The following EEF2KMT variants were observed in gnomAD, a reference collection of about 807,000 sequenced individuals.
EEF2KMT encodes eukaryotic elongation factor 2 lysine methyltransferase.
Under a neutral mutation model 35.1 loss-of-function variants are expected in EEF2KMT, and 30 were observed. That is an observed-to-expected ratio of 0.85 (90% CI 0.64 to 1.16). EEF2KMT has a LOEUF of 1.16. Among genes scored for constraint, EEF2KMT ranks in the 50% most tolerant of loss-of-function variants. The pLI, the probability that EEF2KMT is intolerant of heterozygous loss-of-function variation, is 0.00. For synonymous variants in EEF2KMT, 190 were observed against 187.7 expected (o/e 1.01, Z -0.10); for missense variants, 499 against 438.2 (o/e 1.14, Z -1.24).
At position 5,089,180 on chromosome 16, in the gene EEF2KMT, C is replaced by A. The variant is rs1408722315; in HGVS notation, c.819G>T (p.Gln273His). ...LRRLAACREH[Q>H]RAPEVYVAFT... ...AGGCCACGTAGACCTCAGGAGCCCG[C>A]TGGTGCTCCCGGCAGGCAGCCAGCC... The change falls in exon 7 of 8, where the codon CAG becomes CAT. Residue 273 changes from glutamine (Q) to histidine (H), a missense_variant. Transcript: ENST00000427587. 1.2e-6 allele frequency: 2 copies of A among 1,611,700 alleles called. No individual in the cohort carries two copies. The highest frequency in any genetic ancestry group is 4.5e-5 in the East Asian group (2 of 44,894).
At position 5,097,603 on chromosome 16, in the gene EEF2KMT, C is replaced by T. The variant is rs1035986608; in HGVS notation, c.96+41G>A. 12 of 1,533,074 alleles carry T rather than the reference C, an allele frequency of 7.8e-6. No homozygotes were observed. In the African/African-American group the frequency reaches 1.7e-4, roughly 21 times the overall value. 95.0% of individuals were successfully genotyped at this position (1,533,074 alleles called of 1,614,324 possible). ...ACCCGTCCCGTCTGCCCCTGGACTCCCGCGAGCCCCGCGGGCCTCTCCGCT... is the reference window on the plus strand; with the variant it reads ...ACCCGTCCCGTCTGCCCCTGGACTCTCGCGAGCCCCGCGGGCCTCTCCGCT... On this transcript the variant is annotated intron_variant, in intron 1 of 7. Coordinates refer to ENST00000427587, the MANE Select transcript of EEF2KMT (RefSeq NM_201400.4).
chr16:5,097,574 G>C (rs1015555786), intron 1 of EEF2KMT, 70 bp downstream of exon 1: 11 of 1,525,806 alleles, frequency 7.2e-6, no homozygotes, highest in Admixed American at 2.0e-5. Flanking sequence ...GCTTCAGCAC[G>C]GAGACCCGTC....
Position 5,093,580 on chromosome 16 carries a change from G to C in EEF2KMT, c.160-16C>G. On this transcript the variant is annotated splice_polypyrimidine_tract_variant and intron_variant, in intron 2 of 7. Transcript: ENST00000427587. The stretch of plus-strand genomic sequence containing the variant: ...GCTTCACAGTCTACGGCAAAGGACA[G>C]AACGTTGGTTGCTCGAGAGCCCGTC... 2 of 1,612,026 alleles carry C rather than the reference G, an allele frequency of 1.2e-6. No homozygotes were observed. Among genetic ancestry groups the C allele is most frequent in the African/African-American group, 1.3e-5 (1 of 74,994 alleles).
intron 1 of EEF2KMT, chr16:5,097,330 C>G (rs1216817971): frequency 7.1e-7 from 1 of 1,401,494 alleles, no homozygotes; most frequent in Non-Finnish European, 9.4e-7. Context: ...GCAGCTGTGT[C>G]CCAGTGACCA....
intron 3 of EEF2KMT, 192 bp from the exon 4 acceptor site, chr16:5,092,087 A>G (rs865824856): frequency 2.0e-5 from 22 of 1,078,978 alleles, no homozygotes; most frequent in South Asian, 1.9e-4. Flanking sequence ...AGAGGCTGAC[A>G]TGGGAGGACT....
In EEF2KMT at chr16:5,095,612, T is replaced by C; in HGVS notation, c.97-98A>G. The C allele has an allele frequency of 5.1e-6, 8 of 1,575,126 alleles. 1 individual carries two copies. Among genetic ancestry groups the C allele is most frequent in the Non-Finnish European group, 7.0e-6 (8 of 1,149,430 alleles). On this transcript the variant is annotated intron_variant, in intron 1 of 7. Transcript: ENST00000427587. ...GGCAAAGCGCTGTGTGATCCCTCCC[T>C]GGGGACGTGGAGCCAGTTGGAAGTG...
chr16:5,090,878 G>C lies in EEF2KMT; in HGVS notation c.343-313C>G, dbSNP rs564316834. Among the ~76,000 whole-genome samples, 64 of 152,248 alleles carry C rather than the reference G, an allele frequency of 4.2e-4. 1 individual carries two copies. The highest frequency in any genetic ancestry group is 1.5e-3 in the African/African-American group (63 of 41,546). On this transcript the variant is annotated intron_variant, in intron 4 of 7. Transcript: ENST00000427587. This position sits in a 1 kb window ranked among gnomAD's most constrained non-coding sequence, Gnocchi z 4.1. The stretch of plus-strand genomic sequence containing the variant: ...GTGGCTATGAAGGGGTGGCTGCCTT[G>C]TGATGATTCAATATGCTGTTTTTCC...
rs529796262 is a variant in EEF2KMT, at chr16:5,085,619, T to C, written c.*13A>G. On this transcript the variant is annotated 3_prime_UTR_variant, in exon 8 of 8. Coordinates refer to ENST00000427587, the MANE Select transcript of EEF2KMT (RefSeq NM_201400.4). The stretch of plus-strand genomic sequence containing the variant: ...CTTGATTCTCACAATCCCGTTGGAG[T>C]CGTGTGTGAGTCCTACAGGGTGAGA... 3.9e-6 allele frequency: 6 copies of C among 1,554,512 alleles called. No individual in the cohort carries two copies. The South Asian group carries it at 6.7e-5, about 17-fold the overall frequency.
chr16:5,086,727 G>T (rs1407429010), intron 7 of EEF2KMT: 2 of 152,238 alleles, frequency 1.3e-5, no homozygotes. Flanking sequence ...CTGGAGTGCA[G>T]TGGCACAATC....
chr16:5,089,017 T>C (rs1265706439), intron 7 of EEF2KMT, 90 bp downstream of exon 7: 8 of 1,602,030 alleles, frequency 5.0e-6, no homozygotes, highest in Non-Finnish European at 5.9e-6. Context: ...CAACCTAGCT[T>C]TTCCCCGGCA....
chr16:5,091,323 C>A (rs1243340356), intron 4 of EEF2KMT, among the ~76,000 whole-genome samples: 1 of 152,098 alleles, frequency 6.6e-6, no homozygotes, highest in African/African-American at 2.4e-5. Flanking sequence ...CTCAGGTGAT[C>A]CCCCCGCCTC....
intron 7 of EEF2KMT, chr16:5,086,387 C>G (rs1361391939): frequency 6.6e-6 from 1 of 151,348 alleles, no homozygotes; most frequent in Non-Finnish European, 1.5e-5. Context: ...CACACACACA[C>G]AGCTTAGAAG....
In EEF2KMT at chr16:5,091,818, G is replaced by A. The variant is rs748996844; in HGVS notation, c.318C>T (p.Thr106=). ...LAETLMAKES[T]QGHRSYLLPS... ...CCAGCAAATAGCTCCGGTGGCCCTGGGTGGACTCCTTGGCCATCAGGGTCT... is the reference window on the plus strand; with the variant it reads ...CCAGCAAATAGCTCCGGTGGCCCTGAGTGGACTCCTTGGCCATCAGGGTCT... The change falls in exon 4 of 8, where the codon ACC becomes ACT. Residue 106 remains threonine, a synonymous_variant. Transcript: ENST00000427587. 2 of 1,611,694 alleles carry A rather than the reference G, an allele frequency of 1.2e-6. No homozygotes were observed. The highest frequency in any genetic ancestry group is 1.3e-5 in the African/African-American group (1 of 74,848).
At chr16:5,094,437 A>G (rs1182865965) in intron 2 of EEF2KMT, among the ~76,000 whole-genome samples, 1 of 151,798 alleles carries the variant, frequency 6.6e-6, no homozygotes, top group Non-Finnish European at 1.5e-5. Context: ...TAATTTTTGT[A>G]TTTTTAGTAG....
At chr16:5,088,948 A>G (rs371225223) in intron 7 of EEF2KMT, among the ~76,000 whole-genome samples, 159 bp downstream of exon 7, 27 of 152,094 alleles carry the variant, frequency 1.8e-4, no homozygotes, top group Non-Finnish European at 2.5e-4. Context: ...CCCACGCCCC[A>G]AGCCCACCCT....
Position 5,085,156 on chromosome 16 carries a change from G to T in EEF2KMT, c.*476C>A, listed in dbSNP as rs55848638. ...CGTATTACTGTTCTGTGACTTCCCT[G>T]TGACCTCTGCAGAACTCCTCATCCT... On this transcript the variant is annotated 3_prime_UTR_variant, in exon 8 of 8. Transcript: ENST00000427587. 4.7e-3 allele frequency: 2,907 copies of T among 612,644 alleles called. 72 individuals are homozygous for T. In the African/African-American group the frequency reaches 0.048, roughly 10 times the overall value. 38.0% of individuals were successfully genotyped at this position (612,644 alleles called of 1,614,324 possible). A position where few individuals can be genotyped will look rare whatever the true frequency, so the allele number is the denominator to read the frequency against.
Position 5,084,582 on chromosome 16 carries a change from T to C in EEF2KMT, c.*1050A>G, listed in dbSNP as rs1047836. The C allele has an allele frequency of 3.8e-6, 4 of 1,062,094 alleles. No homozygotes were observed. Among genetic ancestry groups the C allele is most frequent in the Non-Finnish European group, 5.5e-6 (4 of 724,434 alleles). The allele number at this position is 1,062,094 out of a possible 1,614,324, so 65.8% of individuals were successfully genotyped here. ...AGTTTCCAGAAACTGTGATGTCAAG[T>C]TGGAGGCGGAGTGCTGCTGGGGTGT... On this transcript the variant is annotated 3_prime_UTR_variant, in exon 8 of 8. Coordinates refer to ENST00000427587, the MANE Select transcript of EEF2KMT (RefSeq NM_201400.4).
At chr16:5,093,628 G>A (rs148035692) in intron 2 of EEF2KMT, 64 bp from the exon 3 acceptor site, 147,547 of 1,607,378 alleles carry the variant, frequency 0.092, 7,567 homozygotes, top group Middle Eastern at 0.13. Flanking sequence ...TGAGCTTCAA[G>A]CCAACACAGC....
intron 3 of EEF2KMT, among the ~76,000 whole-genome samples, chr16:5,093,143 A>G (rs1022805904): frequency 2.0e-5 from 3 of 152,214 alleles, no homozygotes; most frequent in African/African-American, 7.2e-5. Flanking sequence ...GGAAACTCCA[A>G]ACCCTTCAGC....
Sources: gnomAD v4.1 joint callset for allele counts (sites outside exome capture counted in the v4.1 genomes callset) on GRCh38, gnomAD v4.1.1 for gene constraint, Gnocchi (gnomAD v3.1) non-coding constraint, MANE v1.5 for transcripts, NCBI Gene and HGNC (gene_info 2026-07-23, HGNC 2026-07-21) for gene names.